SLC27A4: variants seen among roughly 807,000 people sequenced by gnomAD.
SLC27A4 encodes long-chain fatty acid transport protein 4.
SLC27A4 carries 33 observed loss-of-function variants against 64.4 expected under a neutral mutation model. The observed-to-expected ratio is 0.51, with a 90% CI of 0.39 to 0.68. SLC27A4 has a LOEUF of 0.68. SLC27A4 is among the 30% of genes least tolerant of loss of function. The pLI is 0.00. For synonymous variants in SLC27A4, 377 were observed against 370.0 expected (o/e 1.02, Z -0.22); for missense variants, 824 against 883.5 (o/e 0.93, Z 0.85).
In SLC27A4 at chr9:128,360,347, C is replaced by A. The variant is rs752347187; in HGVS notation, c.1788C>A (p.Phe596Leu). Residue 596 changes from phenylalanine to leucine, a missense_variant, in exon 13 of 13, where the codon TTC becomes TTA. Transcript: ENST00000300456. ...PELHKTGTYK[F>L]QKTELRKEGF... is the part of the protein sequence containing the mutation. Reference sequence around the variant, plus strand: ...CTGCTCTCCCAGGAACCTACAAGTTCCAGAAGACAGAGCTACGGAAGGAGG... The same window carrying A: ...CTGCTCTCCCAGGAACCTACAAGTTACAGAAGACAGAGCTACGGAAGGAGG... The A allele has an allele frequency of 6.2e-7, 1 of 1,614,096 alleles. No homozygotes were observed. The highest frequency in any genetic ancestry group is 8.5e-7 in the Non-Finnish European group (1 of 1,180,020).
chr9:128,359,672 G>A (rs1031881846), intron 12 of SLC27A4, among the ~76,000 whole-genome samples: 5 of 152,166 alleles, frequency 3.3e-5, no homozygotes, highest in Admixed American at 6.5e-5. Context: ...AGGCACAGTG[G>A]TGCACACCTA....
chr9:128,341,726 G>A (rs1226393189), intron 1 of SLC27A4, among the ~76,000 whole-genome samples: 1 of 152,280 alleles, frequency 6.6e-6, no homozygotes, highest in South Asian at 2.1e-4. Flanking sequence ...TGGGTGGGGA[G>A]TCGAGCCAGA....
At chr9:128,352,221 A>G (rs373032777) in intron 6 of SLC27A4, among the ~76,000 whole-genome samples, 1 of 152,040 alleles carries the variant, frequency 6.6e-6, no homozygotes, top group African/African-American at 2.4e-5. Context: ...GTTGTTTTAA[A>G]TTGAAAAAAG....
chr9:128,341,235 ACCATTC>A (rs1832567221), intron 1 of SLC27A4, among the ~76,000 whole-genome samples: 1 of 152,032 alleles, frequency 6.6e-6, no homozygotes, highest in Non-Finnish European at 1.5e-5. Context: ...TGTGGTCCAG[ACCATTC>A]CCTTTTCCTG....
At chr9:128,349,436 G>T (rs1030585476) in intron 4 of SLC27A4, among the ~76,000 whole-genome samples, 2 of 152,148 alleles carry the variant, frequency 1.3e-5, no homozygotes, top group African/African-American at 4.8e-5. Context: ...TATCTTTGAG[G>T]GTTGAAAAAA....
intron 3 of SLC27A4, among the ~76,000 whole-genome samples, chr9:128,346,390 C>A (rs371586926): frequency 1.3e-5 from 2 of 151,830 alleles, no homozygotes; most frequent in Non-Finnish European, 2.9e-5. Context: ...CCCGCCACCA[C>A]GCCCAGCTAA....
intron 12 of SLC27A4, among the ~76,000 whole-genome samples, chr9:128,359,158 C>T (rs912316170): frequency 2.0e-5 from 3 of 152,190 alleles, no homozygotes; most frequent in Non-Finnish European, 4.4e-5. Flanking sequence ...CCACCCTGAG[C>T]ATCAGTCTTC....
chr9:128,341,351 C>T (rs577402908), intron 1 of SLC27A4, among the ~76,000 whole-genome samples: 1 of 152,324 alleles, frequency 6.6e-6, no homozygotes, highest in African/African-American at 2.4e-5. Flanking sequence ...TCCCCTTGAT[C>T]GAGTCCTCAA....
In SLC27A4 at chr9:128,360,964, T is replaced by A; in HGVS notation, c.*473T>A. On this transcript the variant is annotated 3_prime_UTR_variant, in exon 13 of 13. Coordinates refer to ENST00000300456, the MANE Select transcript of SLC27A4 (RefSeq NM_005094.4). ...AAGTTCACTGGGCTCCACCCCCACC[T>A]CCAGGAGGGGAGGAGAGGACCTGAC... 4 of 191,086 alleles carry A rather than the reference T, an allele frequency of 2.1e-5. No individual in the cohort carries two copies. Among genetic ancestry groups the A allele is most frequent in the Admixed American group, 1.1e-4 (2 of 18,640 alleles). The allele number at this position is 191,086 out of a possible 1,614,324, so 11.8% of individuals were successfully genotyped here.
chr9:128,342,546 G>T (rs1485999748), intron 1 of SLC27A4: 7 of 704,896 alleles, frequency 9.9e-6, no homozygotes, highest in African/African-American at 3.6e-5. Flanking sequence ...TCTCCCATCT[G>T]TCTATCTGGC....
Position 128,360,470 on chromosome 9 carries a change from G to T in SLC27A4, c.1911G>T (p.Gln637His). ...ACCAAGAGGCCTACAGCCGCATCCAGGCAGGCGAGGAGAAGCTGTGATTCC... is the reference window on the plus strand; with the variant it reads ...ACCAAGAGGCCTACAGCCGCATCCATGCAGGCGAGGAGAAGCTGTGATTCC... ...PLDQEAYSRI[Q>H]AGEEKL Residue 637 changes from glutamine to histidine, a missense_variant, in exon 13 of 13, where the codon CAG (glutamine) becomes CAT (histidine). By Grantham distance (24) the Gln-to-His change is conservative. Coordinates refer to ENST00000300456, the MANE Select transcript of SLC27A4 (RefSeq NM_005094.4). 6.2e-7 allele frequency: 1 copy of T among 1,614,058 alleles called. No homozygotes were observed. Among genetic ancestry groups the T allele is most frequent in the Admixed American group, 1.7e-5 (1 of 60,024 alleles).
intron 1 of SLC27A4, among the ~76,000 whole-genome samples, chr9:128,341,475 G>A (rs756566507): frequency 4.6e-5 from 7 of 152,204 alleles, no homozygotes; most frequent in Non-Finnish European, 7.3e-5. Flanking sequence ...GTGGCTGTGT[G>A]TGTCTGTGTG....
rs771099337 is a variant in SLC27A4 at position 128,345,410 on chromosome 9, C to A, written c.417C>A (p.Phe139Leu). 3 of 1,613,624 alleles carry A rather than the reference C, an allele frequency of 1.9e-6. No homozygotes were observed. In the East Asian group the frequency reaches 6.7e-5, roughly 36 times the overall value. ...TCTTCATGGAGAACCGCAATGAGTTCGTGGGCCTATGGCTGGGCATGGCCA... is the reference window on the plus strand; with the variant it reads ...TCTTCATGGAGAACCGCAATGAGTTAGTGGGCCTATGGCTGGGCATGGCCA... ...AAIFMENRNE[F>L]VGLWLGMAKL... The change falls in exon 3 of 13, where the codon TTC (phenylalanine) becomes TTA (leucine). Residue 139 changes from phenylalanine to leucine, a missense_variant. By Grantham distance (22) the Phe-to-Leu change is conservative. Coordinates refer to ENST00000300456, the MANE Select transcript of SLC27A4 (RefSeq NM_005094.4). The surrounding 1 kb of genome is among the most constrained non-coding windows in gnomAD (Gnocchi z 4.1).
chr9:128,342,435 C>A (rs981743729), intron 1 of SLC27A4: 15 of 1,592,332 alleles, frequency 9.4e-6, no homozygotes, highest in Non-Finnish European at 1.2e-5. Flanking sequence ...CTTCTTTTAG[C>A]TGTTTAACTT....
rs1308467455 is a variant in SLC27A4, at chr9:128,360,346, T to A, written c.1787T>A (p.Phe596Tyr). The A allele has an allele frequency of 5.0e-6, 8 of 1,613,856 alleles. No individual in the cohort carries two copies. In the South Asian group the frequency reaches 6.6e-5, roughly 13 times the overall value. The change falls in exon 13 of 13, where the codon TTC (phenylalanine) becomes TAC (tyrosine). Residue 596 changes from phenylalanine to tyrosine, a missense_variant. Coordinates refer to ENST00000300456, the MANE Select transcript of SLC27A4 (RefSeq NM_005094.4). The stretch of plus-strand genomic sequence containing the variant: ...CCTGCTCTCCCAGGAACCTACAAGT[T>A]CCAGAAGACAGAGCTACGGAAGGAG... ...PELHKTGTYK[F>Y]QKTELRKEGF...
intron 6 of SLC27A4, 146 bp from the exon 7 acceptor site, chr9:128,352,489 TGGA>T (rs2131264617): frequency 1.4e-6 from 1 of 700,052 alleles, no homozygotes; most frequent in Admixed American, 2.0e-5. Context: ...GGAGGCTTCT[TGGA>T]GGAGGTCACC....
chr9:128,348,973 C>A (rs1057383595), intron 4 of SLC27A4, among the ~76,000 whole-genome samples: 9 of 141,174 alleles, frequency 6.4e-5, no homozygotes, highest in African/African-American at 1.8e-4. Flanking sequence ...GTTGAACAAG[C>A]CTTCATTGAT....
At position 128,360,347 on chromosome 9, in the gene SLC27A4, C is replaced by G. The variant is rs752347187; in HGVS notation, c.1788C>G (p.Phe596Leu). Residue 596 changes from phenylalanine (F) to leucine (L), a missense_variant, in exon 13 of 13, where the codon TTC becomes TTG. Coordinates refer to ENST00000300456, the MANE Select transcript of SLC27A4 (RefSeq NM_005094.4). ...PELHKTGTYK[F>L]QKTELRKEGF... Reference sequence around the variant, plus strand: ...CTGCTCTCCCAGGAACCTACAAGTTCCAGAAGACAGAGCTACGGAAGGAGG... The same window carrying G: ...CTGCTCTCCCAGGAACCTACAAGTTGCAGAAGACAGAGCTACGGAAGGAGG... 9 of 1,613,978 alleles carry G rather than the reference C, an allele frequency of 5.6e-6. No homozygotes were observed. Among genetic ancestry groups the G allele is most frequent in the Non-Finnish European group, 7.6e-6 (9 of 1,180,028 alleles).
At chr9:128,344,715 A>G (rs181371953) in intron 2 of SLC27A4, among the ~76,000 whole-genome samples, 3 of 152,186 alleles carry the variant, frequency 2.0e-5, no homozygotes, top group African/African-American at 7.2e-5. Context: ...TACTGTGGTC[A>G]TGGTGGGTCG....
Sources: gnomAD v4.1 joint callset for allele counts (sites outside exome capture counted in the v4.1 genomes callset) on GRCh38, gnomAD v4.1.1 for gene constraint, Gnocchi (gnomAD v3.1) non-coding constraint, MANE v1.5 for transcripts, NCBI Gene and HGNC (gene_info 2026-07-23, HGNC 2026-07-21) for gene names.